Variants in AUTS2 observed in about 807,000 individuals in gnomAD.
The protein encoded by AUTS2 is autism susceptibility gene 2 protein.
Under a neutral mutation model 112.4 loss-of-function variants are expected in AUTS2, and 17 were observed. The ratio of observed to expected loss-of-function variants is 0.15; its 90% CI spans 0.10 to 0.23. AUTS2 has a LOEUF of 0.23. Ranked by LOEUF, AUTS2 falls within the 10% of genes least tolerant of loss-of-function variation. The pLI is 1.00. For synonymous variants in AUTS2, 751 were observed against 702.7 expected (o/e 1.07, Z -1.09); for missense variants, 1,510 against 1,701.6 (o/e 0.89, Z 1.98).
chr7:69,889,573 G>A (rs1372118638), intron 1 of AUTS2, among the ~76,000 whole-genome samples: 1 of 152,136 alleles, frequency 6.6e-6, no homozygotes, highest in Non-Finnish European at 1.5e-5. Flanking sequence ...GATGACTAAT[G>A]AGCACATTTT....
intron 1 of AUTS2, among the ~76,000 whole-genome samples, chr7:69,688,768 C>T (rs530321167): frequency 3.3e-5 from 5 of 152,288 alleles, no homozygotes; most frequent in East Asian, 1.9e-4. Flanking sequence ...TAACAGAGCT[C>T]TCCCTATCTT....
chr7:70,368,269 G>T (rs960836272), intron 4 of AUTS2, among the ~76,000 whole-genome samples: 14 of 152,270 alleles, frequency 9.2e-5, no homozygotes, highest in African/African-American at 2.9e-4. Flanking sequence ...AAGGCACTCA[G>T]TAAGTATTAG....
At chr7:70,651,744 T>A (rs1806519264) in intron 5 of AUTS2, among the ~76,000 whole-genome samples, 1 of 152,054 alleles carries the variant, frequency 6.6e-6, no homozygotes, top group Non-Finnish European at 1.5e-5. Flanking sequence ...GGACCATCTG[T>A]ATGTTGATTT....
chr7:69,626,116 GCAGGGAA>G (rs1793932092), intron 1 of AUTS2, among the ~76,000 whole-genome samples: 1 of 152,122 alleles, frequency 6.6e-6, no homozygotes, highest in Non-Finnish European at 1.5e-5. Context: ...AAAAAAAATT[GCAGGGAA>G]CCTTGTAGCT....
intron 4 of AUTS2, among the ~76,000 whole-genome samples, chr7:70,348,672 A>C (rs1039643256): frequency 6.6e-6 from 1 of 151,938 alleles, no homozygotes; most frequent in Non-Finnish European, 1.5e-5. Flanking sequence ...TAGCCAGGCG[A>C]GGTGGCGGGC....
chr7:70,769,696 A>G (rs1043976530), intron 10 of AUTS2, among the ~76,000 whole-genome samples: 7 of 152,120 alleles, frequency 4.6e-5, no homozygotes, highest in African/African-American at 1.7e-4. Context: ...AAAAATAATA[A>G]TAATTAATAT....
chr7:70,377,773 CT>C (rs1200007177), intron 4 of AUTS2, among the ~76,000 whole-genome samples: 6,025 of 137,424 alleles, frequency 0.044, 208 homozygotes, highest in African/African-American at 0.12. Flanking sequence ...ATAATGTCTT[CT>C]TTTTTTTTTT....
intron 2 of AUTS2, among the ~76,000 whole-genome samples, chr7:69,975,757 G>A (rs527394767): frequency 2.6e-5 from 4 of 151,508 alleles, no homozygotes; most frequent in South Asian, 2.1e-4. Flanking sequence ...GCATGATCTC[G>A]GCTCACTGCA....
chr7:70,724,680 C>T (rs920659981), intron 6 of AUTS2, among the ~76,000 whole-genome samples: 2 of 151,514 alleles, frequency 1.3e-5, no homozygotes, highest in Non-Finnish European at 1.5e-5. Flanking sequence ...CTCCTGACCT[C>T]GTGGTCCGCT....
At chr7:70,123,140 C>A (rs560227331) in intron 3 of AUTS2, among the ~76,000 whole-genome samples, 3 of 151,832 alleles carry the variant, frequency 2.0e-5, no homozygotes, top group African/African-American at 4.8e-5. Context: ...CCTTCCAAAG[C>A]GCTGGGATTA....
At chr7:70,297,552 C>T (rs572704226) in intron 4 of AUTS2, among the ~76,000 whole-genome samples, 1 of 151,976 alleles carries the variant, frequency 6.6e-6, no homozygotes, top group East Asian at 1.9e-4. Context: ...GCCCCAGCCT[C>T]CCAAGTAGCT....
At chr7:69,632,593 G>T (rs1253188044) in intron 1 of AUTS2, among the ~76,000 whole-genome samples, 1 of 112,158 alleles carries the variant, frequency 8.9e-6, no homozygotes, top group Non-Finnish European at 1.7e-5. Flanking sequence ...TCTCCCCTCT[G>T]CCTTCTCCCC....
At chr7:70,707,469 T>G (rs1187681595) in intron 6 of AUTS2, among the ~76,000 whole-genome samples, 1 of 152,072 alleles carries the variant, frequency 6.6e-6, no homozygotes, top group Non-Finnish European at 1.5e-5. Flanking sequence ...TGGCAGAGAA[T>G]AGAAAGGAGG....
chr7:69,706,563 G>A (rs909312126), intron 1 of AUTS2, among the ~76,000 whole-genome samples: 29 of 152,178 alleles, frequency 1.9e-4, no homozygotes, highest in African/African-American at 6.5e-4. Context: ...TGAAATGTTT[G>A]TCAAATTGAA....
chr7:70,133,772 G>A (rs1321597787), intron 3 of AUTS2, among the ~76,000 whole-genome samples: 1 of 152,196 alleles, frequency 6.6e-6, no homozygotes, highest in Non-Finnish European at 1.5e-5. Context: ...TCTCAGGCAA[G>A]TTTAAAATAC....
chr7:70,095,553 A>G (rs923055466), intron 2 of AUTS2, among the ~76,000 whole-genome samples: 1 of 152,172 alleles, frequency 6.6e-6, no homozygotes, highest in African/African-American at 2.4e-5. Context: ...TTGAGTACCT[A>G]CTGTATGCCA....
chr7:70,507,175 C>T (rs1026740253), intron 5 of AUTS2, among the ~76,000 whole-genome samples: 15 of 152,286 alleles, frequency 9.8e-5, no homozygotes, highest in African/African-American at 2.6e-4. Context: ...CCTTGCCTTG[C>T]GTATTCCCTC....
intron 2 of AUTS2, among the ~76,000 whole-genome samples, chr7:69,974,495 G>C (rs1797978735): frequency 6.6e-6 from 1 of 151,876 alleles, no homozygotes; most frequent in African/African-American, 2.4e-5. Flanking sequence ...GTGTAGTTCA[G>C]TCTGACTCTG....
rs908779721 is a variant in AUTS2 at position 70,792,441 on chromosome 7, C to T, written c.*1445C>T. 7.2e-6 allele frequency: 1 copy of T among 139,444 alleles called. No homozygotes were observed. The highest frequency in any genetic ancestry group is 2.7e-5 in the African/African-American group (1 of 37,152). The allele number at this position is 139,444 out of a possible 1,614,324, so 8.6% of individuals were successfully genotyped here. On this transcript the variant is annotated 3_prime_UTR_variant, in exon 19 of 19. Transcript: ENST00000342771. ...TGAAATAAAATTAGTTCCATTTGGTCTTCTAGTATATTAAAGTGCTATCTG... is the reference window on the plus strand; with the variant it reads ...TGAAATAAAATTAGTTCCATTTGGTTTTCTAGTATATTAAAGTGCTATCTG...
Sources: gnomAD v4.1 joint callset for allele counts (sites outside exome capture counted in the v4.1 genomes callset) on GRCh38, gnomAD v4.1.1 for gene constraint, MANE v1.5 for transcripts, NCBI Gene and HGNC (gene_info 2026-07-23, HGNC 2026-07-21) for gene names.